The following PCSK9 variants were observed in gnomAD, a reference collection of about 807,000 sequenced individuals.
PCSK9 encodes the protein proprotein convertase subtilisin/kexin type 9.
A neutral mutation model predicts 62.1 loss-of-function variants in PCSK9; 57 were observed. The observed-to-expected ratio is 0.92, with a 90% CI of 0.74 to 1.14. The LOEUF is 1.14. PCSK9 is among the 50% of genes most tolerant of loss of function. The pLI is 0.00. For missense variants in PCSK9, 870 were observed against 959.8 expected (o/e 0.91, Z 1.24); for synonymous variants, 387 against 409.4 (o/e 0.95, Z 0.66).
intron 11 of PCSK9, 95 bp downstream of exon 11, chr1:55,061,651 C>T (rs1345689153): frequency 3.4e-6 from 5 of 1,465,988 alleles, no homozygotes; most frequent in South Asian, 1.2e-5. Context: ...TACCGCCATG[C>T]ATCAGGGTGG....
intron 1 of PCSK9, among the ~76,000 whole-genome samples, chr1:55,042,890 G>A (rs190319756): frequency 2.6e-5 from 4 of 152,288 alleles, no homozygotes; most frequent in East Asian, 3.9e-4. Context: ...GCTTGGTGCC[G>A]TCCTTGTGAT....
chr1:55,062,133 A>G (rs746754749), intron 11 of PCSK9, among the ~76,000 whole-genome samples: 3 of 152,252 alleles, frequency 2.0e-5, no homozygotes, highest in Non-Finnish European at 2.9e-5. Flanking sequence ...CAGCAAGGCA[A>G]GAAAAGGCCC....
chr1:55,057,218 G>T, intron 6 of PCSK9, 113 bp from the exon 7 acceptor site: 1 of 1,339,218 alleles, frequency 7.5e-7, no homozygotes, highest in East Asian at 2.3e-5. Flanking sequence ...CATTTGAGTG[G>T]GACCCAAACA....
rs765777205 is a variant in PCSK9, at chr1:55,052,275, A to G, written c.524-3A>G. 2 of 1,613,874 alleles carry G rather than the reference A, an allele frequency of 1.2e-6. No individual in the cohort carries two copies. The highest frequency in any genetic ancestry group is 4.5e-5 in the East Asian group (2 of 44,890). On this transcript the variant is annotated splice_region_variant and splice_polypyrimidine_tract_variant and intron_variant, in intron 3 of 11. Coordinates refer to ENST00000302118, the MANE Select transcript of PCSK9 (RefSeq NM_174936.4). ...CCTCTCCCACAAATGTCGCCTTGGA[A>G]AGACGGAGGCAGCCTGGTGGAGGTG...
In PCSK9 at chr1:55,059,605, A is replaced by G. The variant is rs1644743439; in HGVS notation, c.1623A>G (p.Pro541=). The G allele has an allele frequency of 2.6e-6, 4 of 1,552,688 alleles. No homozygotes were observed. Among genetic ancestry groups the G allele is most frequent in the Non-Finnish European group, 2.6e-6 (3 of 1,147,558 alleles). ...ACTGCAGCGTCCACACAGCTCCACCAGCTGAGGCCAGCATGGGGACCCGTG... is the reference window on the plus strand; with the variant it reads ...ACTGCAGCGTCCACACAGCTCCACCGGCTGAGGCCAGCATGGGGACCCGTG... The part of the protein sequence containing the change: ...QANCSVHTAP[P]AEASMGTRVH... The change falls in exon 10 of 12, where the codon CCA becomes CCG. Residue 541 remains proline (P), a synonymous_variant. Transcript: ENST00000302118.
Position 55,052,811 on chromosome 1 carries a change from G to A in PCSK9, c.799+20G>A, listed in dbSNP as rs201872056. 58 of 1,612,892 alleles carry A rather than the reference G, an allele frequency of 3.6e-5. No homozygotes were observed. In the East Asian group the frequency reaches 1.1e-3, roughly 31 times the overall value. ...TCATAGGTAAGTGATGGCCCCAGAC[G>A]CTGGTCTCTCTCCATCTGGACCTGG... On this transcript the variant is annotated intron_variant, in intron 5 of 11. Transcript: ENST00000302118.
chr1:55,054,897 C>T (rs1216464349), intron 5 of PCSK9, among the ~76,000 whole-genome samples: 1 of 151,888 alleles, frequency 6.6e-6, no homozygotes, highest in East Asian at 1.9e-4. Context: ...CCCAGCTACT[C>T]AGGAGGCTGA....
chr1:55,052,962 G>A (rs927617020), intron 5 of PCSK9, among the ~76,000 whole-genome samples, 171 bp downstream of exon 5: 8 of 152,168 alleles, frequency 5.3e-5, no homozygotes, highest in South Asian at 2.1e-4. Flanking sequence ...CAGTGGCCAC[G>A]AGTGCAGATG....
At chr1:55,058,374 C>T (rs762781469) in intron 8 of PCSK9, 125 bp from the exon 9 acceptor site, 143 of 1,537,078 alleles carry the variant, frequency 9.3e-5, no homozygotes, top group Non-Finnish European at 1.2e-4. Flanking sequence ...ATTTTCATAA[C>T]GTGTTTTTAT....
intron 3 of PCSK9, chr1:55,051,725 C>T: frequency 4.6e-6 from 1 of 216,274 alleles, no homozygotes. Flanking sequence ...GAAGCAGTCC[C>T]CGTGAGCCCT....
At chr1:55,046,404 G>A in intron 2 of PCSK9, 119 bp from the exon 3 acceptor site, 1 of 1,472,374 alleles carries the variant, frequency 6.8e-7, no homozygotes, top group Non-Finnish European at 9.5e-7. Flanking sequence ...GGGACAAGGT[G>A]GGAGGCTGCT....
intron 7 of PCSK9, 67 bp downstream of exon 7, chr1:55,057,581 G>A (rs1644725203): frequency 6.5e-7 from 1 of 1,528,992 alleles, no homozygotes; most frequent in Non-Finnish European, 8.8e-7. Context: ...CAGGGTCTGT[G>A]CCGGGACCTC....
intron 11 of PCSK9, among the ~76,000 whole-genome samples, chr1:55,063,084 C>A (rs1314239711): frequency 2.0e-5 from 3 of 152,084 alleles, no homozygotes; most frequent in Admixed American, 6.5e-5. Flanking sequence ...CCATCAGTTT[C>A]AGAGGGATGA....
At chr1:55,063,256 G>A (rs1644776092) in intron 11 of PCSK9, 113 bp from the exon 12 acceptor site, 25 of 1,168,298 alleles carry the variant, frequency 2.1e-5, no homozygotes, top group African/African-American at 3.0e-5. Context: ...CTGAGCCAGC[G>A]AGGGCCGTCT....
chr1:55,057,559 C>A, intron 7 of PCSK9, 45 bp downstream of exon 7: 6 of 1,568,016 alleles, frequency 3.8e-6, no homozygotes, highest in Non-Finnish European at 5.2e-6. Context: ...TGCTAACAGC[C>A]CCTTTGGCAG....
At chr1:55,045,205 G>A (rs1394716896) in intron 2 of PCSK9, among the ~76,000 whole-genome samples, 1 of 152,082 alleles carries the variant, frequency 6.6e-6, no homozygotes, top group East Asian at 1.9e-4. Flanking sequence ...CAGCTGCTCA[G>A]AGGAGAGTAG....
chr1:55,058,349 A>G, intron 8 of PCSK9, 140 bp downstream of exon 8: 1 of 1,500,174 alleles, frequency 6.7e-7, no homozygotes, highest in South Asian at 1.2e-5. Flanking sequence ...TGGGGCTCTG[A>G]AAGGGCTGTG....
At chr1:55,062,671 A>G (rs796247417) in intron 11 of PCSK9, among the ~76,000 whole-genome samples, 6 of 152,354 alleles carry the variant, frequency 3.9e-5, no homozygotes, top group African/African-American at 1.4e-4. Context: ...GGGGATGTGC[A>G]GGGAGTACCA....
chr1:55,040,053 G>T lies in PCSK9; in HGVS notation c.207+9G>T. 1.3e-6 allele frequency: 2 copies of T among 1,555,766 alleles called. No individual in the cohort carries two copies. The highest frequency in any genetic ancestry group is 1.4e-5 in the African/African-American group (1 of 73,502). On this transcript the variant is annotated intron_variant, in intron 1 of 11. Transcript: ENST00000302118. The surrounding 1 kb of genome is among the most constrained non-coding windows in gnomAD (Gnocchi z 4.1). ...TCCACCGCTGCGCCAAGGTGCGGGT[G>T]TAGGGATGGGAGGCCGGGGCGAACC...
Sources: gnomAD v4.1 joint callset for allele counts (sites outside exome capture counted in the v4.1 genomes callset) on GRCh38, gnomAD v4.1.1 for gene constraint, Gnocchi (gnomAD v3.1) non-coding constraint, MANE v1.5 for transcripts, NCBI Gene and HGNC (gene_info 2026-07-23, HGNC 2026-07-21) for gene names.